Variants in DNAH12 observed in about 807,000 individuals in gnomAD.
DNAH12 encodes dynein axonemal heavy chain 12.
Under a neutral mutation model 371.5 loss-of-function variants are expected in DNAH12, and 285 were observed. The observed-to-expected ratio is 0.77, with a 90% confidence interval of 0.70 to 0.85. DNAH12 has a LOEUF of 0.85. Ranked by LOEUF, DNAH12 falls within the 40% of genes least tolerant of loss-of-function variation. DNAH12 has a pLI of 0.00. For missense variants in DNAH12, 3,611 were observed against 3,689.4 expected (o/e 0.98, Z 0.55); for synonymous variants, 1,200 against 1,213.0 (o/e 0.99, Z 0.22).
At chr3:57,351,118 A>T (rs1553660006) in intron 60 of DNAH12, among the ~76,000 whole-genome samples, 1 of 151,980 alleles carries the variant, frequency 6.6e-6, no homozygotes, top group Non-Finnish European at 1.5e-5. Flanking sequence ...AAAATACAAA[A>T]ATTAGCTGGG....
rs1458368301 is a variant in DNAH12, at chr3:57,421,542, G to C, written c.5538C>G (p.Gly1846=). ...GKWECPFDEK[G]LVYDYMYELK... is the part of the protein sequence containing the mutation. The stretch of plus-strand genomic sequence containing the variant: ...CCTCATACATGTAGTCATAGACCAG[G>C]CCTTTTTCATCAAATGGGCATTCCC... The change falls in exon 36 of 74, where the codon GGC becomes GGG. Residue 1846 remains glycine, a synonymous_variant. Transcript: ENST00000495027. The C allele has an allele frequency of 1.9e-6, 3 of 1,551,402 alleles. No homozygotes were observed. In the African/African-American group the frequency reaches 4.1e-5, roughly 21 times the overall value.
chr3:57,405,037 A>G lies in DNAH12; in HGVS notation c.6687T>C (p.Asp2229=), dbSNP rs1553680561. The stretch of plus-strand genomic sequence containing the variant: ...ACTCATCTAAGCACTGGTCCACAAC[A>G]TCACTAAAATGATGAATATTTGGAA... ...IEIPNIHHFS[D]VVDQCLDEYN... is the part of the protein sequence containing the mutation. The change falls in exon 42 of 74, where the codon GAT becomes GAC. Residue 2229 remains aspartate, a synonymous_variant. Coordinates refer to ENST00000495027, the MANE Select transcript of DNAH12 (RefSeq NM_001366028.2). 1 of 1,546,558 alleles carries G rather than the reference A, an allele frequency of 6.5e-7. No homozygotes were observed. Among genetic ancestry groups the G allele is most frequent in the Non-Finnish European group, 8.7e-7 (1 of 1,145,510 alleles).
chr3:57,307,733 C>A (rs1371320455), intron 69 of DNAH12, among the ~76,000 whole-genome samples: 1 of 152,136 alleles, frequency 6.6e-6, no homozygotes, highest in Non-Finnish European at 1.5e-5. Flanking sequence ...TACAATCTGG[C>A]CTCCCACATT....
At chr3:57,396,116 GA>G (rs1274548081) in intron 43 of DNAH12, among the ~76,000 whole-genome samples, 23 of 150,050 alleles carry the variant, frequency 1.5e-4, no homozygotes, top group Non-Finnish European at 2.7e-4. Flanking sequence ...CTATCTCTAC[GA>G]AAAATACAAA....
chr3:57,547,288 A>G (rs903986887), upstream of DNAH12, among the ~76,000 whole-genome samples: 1 of 151,788 alleles, frequency 6.6e-6, no homozygotes, highest in Non-Finnish European at 1.5e-5. Context: ...TTGAACCCTG[A>G]CTGATACAAT....
intron 17 of DNAH12, among the ~76,000 whole-genome samples, chr3:57,467,310 A>T (rs2066232901): frequency 6.6e-6 from 1 of 151,218 alleles, no homozygotes; most frequent in Admixed American, 6.6e-5. Flanking sequence ...AGTAGAGAGG[A>T]TTCACTATAT....
intron 62 of DNAH12, among the ~76,000 whole-genome samples, chr3:57,329,737 C>T (rs2062045503): frequency 6.6e-6 from 1 of 151,274 alleles, no homozygotes; most frequent in Non-Finnish European, 1.5e-5. Context: ...TAAAGAGCTT[C>T]TGCACAGCAA....
intron 4 of DNAH12, among the ~76,000 whole-genome samples, chr3:57,512,020 T>C (rs1393289454): frequency 6.6e-6 from 1 of 151,864 alleles, no homozygotes; most frequent in Non-Finnish European, 1.5e-5. Context: ...CTAGCTATGA[T>C]TCAAATACTA....
At chr3:57,297,252 T>G in intron 70 of DNAH12, 1 of 447,094 alleles carries the variant, frequency 2.2e-6, no homozygotes, top group Non-Finnish European at 4.0e-6. Flanking sequence ...CAAATGTAAA[T>G]TATTTGATGC....
chr3:57,433,715 T>C lies in DNAH12; in HGVS notation c.4769A>G (p.Tyr1590Cys), dbSNP rs2065023599. Residue 1590 changes from tyrosine to cysteine, a missense_variant, in exon 31 of 74, where the codon TAT (tyrosine) becomes TGT (cysteine). Tyr to Cys is a radical substitution (Grantham distance 194). This residue lies in a region of DNAH12 where 2,266 missense variants were observed against 2,236.9 expected (regional missense o/e 1.01). Coordinates refer to ENST00000495027, the MANE Select transcript of DNAH12 (RefSeq NM_001366028.2). ...HGYGEEEKVI[Y>C]RTVNPKSITM... ...AATAGATTTGGGGTTTACAGTTCTA[T>C]AAATGACCTTTTCTTCCTCTCCATA... The C allele has an allele frequency of 1.3e-6, 2 of 1,551,360 alleles. No homozygotes were observed. Among genetic ancestry groups the C allele is most frequent in the Non-Finnish European group, 1.7e-6 (2 of 1,146,950 alleles).
chr3:57,495,466 C>T (rs2067277593), intron 11 of DNAH12, among the ~76,000 whole-genome samples: 1 of 151,040 alleles, frequency 6.6e-6, no homozygotes, highest in South Asian at 2.1e-4. Flanking sequence ...GAGGCTGAGG[C>T]AGGAGAATCA....
intron 45 of DNAH12, among the ~76,000 whole-genome samples, chr3:57,390,424 A>AAAAAAAAAAAAAATATATATAT: frequency 3.0e-5 from 1 of 33,440 alleles, no homozygotes; most frequent in African/African-American, 6.3e-5. Flanking sequence ...AAAAAAAAAA[A>AAAAAAAAAAAAAATATATATAT]ATATATATAT....
chr3:57,420,927 A>AG (rs1384952647), intron 36 of DNAH12, among the ~76,000 whole-genome samples: 1 of 151,536 alleles, frequency 6.6e-6, no homozygotes, highest in African/African-American at 2.4e-5. Flanking sequence ...AAAAAAAAAA[A>AG]AAAGAAAGAA....
chr3:57,319,354 G>T (rs565672929), intron 65 of DNAH12, among the ~76,000 whole-genome samples: 1 of 152,220 alleles, frequency 6.6e-6, no homozygotes, highest in Admixed American at 6.5e-5. Flanking sequence ...TGATTTGGAT[G>T]CCTCCTGTTT....
intron 32 of DNAH12, among the ~76,000 whole-genome samples, chr3:57,430,496 C>G (rs2064923316): frequency 6.6e-6 from 1 of 152,052 alleles, no homozygotes; most frequent in Non-Finnish European, 1.5e-5. Flanking sequence ...TTTTATGTCT[C>G]CTTGGTCTCT....
At chr3:57,407,993 T>C (rs2064090490) in intron 40 of DNAH12, among the ~76,000 whole-genome samples, 1 of 152,154 alleles carries the variant, frequency 6.6e-6, no homozygotes, top group Non-Finnish European at 1.5e-5. Flanking sequence ...ATGTTTTCCT[T>C]ATAACAACCT....
At chr3:57,390,424 A>AAAAAAAAAAAAATATATAT in intron 45 of DNAH12, among the ~76,000 whole-genome samples, 1 of 33,422 alleles carries the variant, frequency 3.0e-5, no homozygotes, top group African/African-American at 6.3e-5. Flanking sequence ...AAAAAAAAAA[A>AAAAAAAAAAAAATATATAT]ATATATATAT....
At chr3:57,367,988 C>A (rs1203279453) in intron 56 of DNAH12, 58 bp downstream of exon 56, 1 of 152,172 alleles carries the variant, frequency 6.6e-6, no homozygotes, top group African/African-American at 2.4e-5. Flanking sequence ...TTCTTTCATG[C>A]CTCCAAGATA....
At chr3:57,302,530 TATATATA>T (rs1204488581) in intron 69 of DNAH12, among the ~76,000 whole-genome samples, 6 of 17,526 alleles carry the variant, frequency 3.4e-4, no homozygotes, top group African/African-American at 1.2e-3. Flanking sequence ...GCATCAGGTG[TATATATA>T]TATATATATA....
Sources: allele counts gnomAD v4.1 joint callset (sites outside exome capture counted in the v4.1 genomes callset), GRCh38; gene constraint gnomAD v4.1.1; regional missense constraint gnomAD v4.1.1; transcripts MANE v1.5; gene names NCBI Gene and HGNC (gene_info 2026-07-23, HGNC 2026-07-21).